CHN2: variants seen among roughly 807,000 people sequenced by gnomAD.
CHN2 encodes the protein chimerin 2.
In CHN2, 35 loss-of-function variants were observed where a neutral mutation model predicts 56.3. The observed-to-expected ratio is 0.62, with a 90% CI of 0.47 to 0.82. CHN2 has a LOEUF of 0.82. Among genes scored for constraint, CHN2 ranks in the 40% least tolerant of loss-of-function variants. CHN2 has a pLI of 0.00. For missense variants in CHN2, 491 were observed against 580.5 expected (o/e 0.85, Z 1.58); for synonymous variants, 210 against 212.8 (o/e 0.99, Z 0.12).
At chr7:29,374,075 A>G (rs1390778522) in intron 3 of CHN2, among the ~76,000 whole-genome samples, 1 of 152,244 alleles carries the variant, frequency 6.6e-6, no homozygotes, top group East Asian at 1.9e-4. Flanking sequence ...TGTAGTAATC[A>G]GAAGGCTATT....
At chr7:29,495,232 A>G (rs1223511046) in intron 7 of CHN2, among the ~76,000 whole-genome samples, 1 of 152,196 alleles carries the variant, frequency 6.6e-6, no homozygotes, top group Non-Finnish European at 1.5e-5. Context: ...CTATGCCTCA[A>G]AATAATCAGA....
At chr7:29,258,772 T>C (rs368039576) in intron 1 of CHN2, among the ~76,000 whole-genome samples, 32 of 152,320 alleles carry the variant, frequency 2.1e-4, no homozygotes, top group African/African-American at 7.5e-4. Context: ...AGAACTTTAT[T>C]TTACTGATGA....
At chr7:29,345,382 G>A (rs1046997610) in intron 1 of CHN2, among the ~76,000 whole-genome samples, 1 of 152,184 alleles carries the variant, frequency 6.6e-6, no homozygotes, top group African/African-American at 2.4e-5. Context: ...ACAGAGAATT[G>A]AAGAGAGTAT....
chr7:29,169,816 T>A (rs1356222042), intron 2 of CHN2, among the ~76,000 whole-genome samples: 1 of 151,672 alleles, frequency 6.6e-6, no homozygotes, highest in Non-Finnish European at 1.5e-5. Flanking sequence ...CTGGCAGGGA[T>A]AAGATGTATA....
At chr7:29,491,160 T>C (rs1396511998) in intron 7 of CHN2, among the ~76,000 whole-genome samples, 1 of 152,190 alleles carries the variant, frequency 6.6e-6, no homozygotes, top group Non-Finnish European at 1.5e-5. Flanking sequence ...GGGTTTCTAT[T>C]GGCTAGTTTG....
At chr7:29,403,825 C>T (rs1229411981) in intron 6 of CHN2, among the ~76,000 whole-genome samples, 3 of 152,188 alleles carry the variant, frequency 2.0e-5, no homozygotes, top group Non-Finnish European at 4.4e-5. Flanking sequence ...TTCTATGAAA[C>T]GCATTTCAGA....
At chr7:29,245,610 AT>A (rs1365784848) in intron 1 of CHN2, among the ~76,000 whole-genome samples, 2 of 152,172 alleles carry the variant, frequency 1.3e-5, no homozygotes, top group African/African-American at 4.8e-5. Context: ...TATCATCACT[AT>A]TTTACCAATA....
intron 6 of CHN2, among the ~76,000 whole-genome samples, chr7:29,453,487 C>T (rs1673150017): frequency 6.6e-6 from 1 of 152,174 alleles, no homozygotes; most frequent in Non-Finnish European, 1.5e-5. Context: ...TGGAGGAGGA[C>T]ACCACTTGTC....
At chr7:29,270,435 T>A (rs1584925318) in intron 1 of CHN2, among the ~76,000 whole-genome samples, 1 of 35,012 alleles carries the variant, frequency 2.9e-5, no homozygotes, top group Admixed American at 3.3e-4. Context: ...GGGTGGATCA[T>A]TTTGAGGCCA....
rs73309969 is a variant in CHN2 at position 29,254,437 on chromosome 7, G to T, written c.49+59447G>T. ...AATTTGAGGCATGTATCTCAAGCACGTTCTGTAACAATGAGGAGGAGATAC... is the reference window on the plus strand; with the variant it reads ...AATTTGAGGCATGTATCTCAAGCACTTTCTGTAACAATGAGGAGGAGATAC... On this transcript the variant is annotated intron_variant, in intron 1 of 12. Transcript: ENST00000222792. Among the ~76,000 whole-genome samples, 1,503 of 152,300 alleles carry T rather than the reference G, an allele frequency of 9.9e-3. 23 individuals carry two copies. The highest frequency in any genetic ancestry group is 0.034 in the African/African-American group (1,431 of 41,556).
At chr7:29,476,901 T>C (rs1786653808) in intron 6 of CHN2, among the ~76,000 whole-genome samples, 1 of 152,190 alleles carries the variant, frequency 6.6e-6, no homozygotes, top group African/African-American at 2.4e-5. Flanking sequence ...TAGGGAAATG[T>C]GCTTCATCTC....
chr7:29,246,409 A>G (rs1325938475), intron 1 of CHN2, among the ~76,000 whole-genome samples: 2 of 152,148 alleles, frequency 1.3e-5, no homozygotes. Flanking sequence ...AGACCATCAG[A>G]ACTTCTTCCC....
intron 1 of CHN2, among the ~76,000 whole-genome samples, chr7:29,253,975 G>C (rs1050054862): frequency 6.6e-6 from 1 of 152,154 alleles, no homozygotes; most frequent in Non-Finnish European, 1.5e-5. Context: ...CATGATCTCG[G>C]CTCACTGCAA....
intron 1 of CHN2, among the ~76,000 whole-genome samples, chr7:29,233,418 T>G (rs1669350004): frequency 6.6e-6 from 1 of 152,146 alleles, no homozygotes; most frequent in Non-Finnish European, 1.5e-5. Context: ...AAGTGGGTGC[T>G]CAAAACAGGT....
At chr7:29,496,562 G>A (rs895879542) in intron 8 of CHN2, among the ~76,000 whole-genome samples, 1 of 151,254 alleles carries the variant, frequency 6.6e-6, no homozygotes, top group Non-Finnish European at 1.5e-5. Flanking sequence ...CCTTGGCTAC[G>A]CAGTAAGGAA....
At chr7:29,235,606 A>G (rs1236778020) in intron 1 of CHN2, among the ~76,000 whole-genome samples, 4 of 152,248 alleles carry the variant, frequency 2.6e-5, no homozygotes, top group African/African-American at 4.8e-5. Context: ...TCACAGCACT[A>G]TTCACAATAG....
chr7:29,393,656 ATT>A (rs567816067), intron 3 of CHN2, 21 bp from the exon 4 acceptor site: 4 of 872,214 alleles, frequency 4.6e-6, no homozygotes, highest in Admixed American at 4.6e-5. Flanking sequence ...TGCATTATTA[ATT>A]TTTTTTTCTT....
intron 1 of CHN2, among the ~76,000 whole-genome samples, chr7:29,231,498 A>G (rs1448445561): frequency 6.6e-6 from 1 of 152,154 alleles, no homozygotes; most frequent in Non-Finnish European, 1.5e-5. Context: ...ATTTCCCCTC[A>G]TCTGATGCTC....
At chr7:29,507,138 C>T (rs1790656752) in intron 10 of CHN2, 90 bp from the exon 11 acceptor site, 2 of 1,160,566 alleles carry the variant, frequency 1.7e-6, no homozygotes, top group Non-Finnish European at 2.4e-6. Flanking sequence ...AGGGAGCATT[C>T]ATCGCTGGAT....
Sources: gnomAD v4.1 joint callset for allele counts (sites outside exome capture counted in the v4.1 genomes callset) on GRCh38, gnomAD v4.1.1 for gene constraint, MANE v1.5 for transcripts, NCBI Gene and HGNC (gene_info 2026-07-23, HGNC 2026-07-21) for gene names.